Variants in MAK16 observed in about 807,000 individuals in gnomAD.
MAK16 encodes MAK16 homolog.
In MAK16, 12 loss-of-function variants were observed where a neutral mutation model predicts 49.9. The observed-to-expected ratio is 0.24, with a 90% confidence interval of 0.15 to 0.39. MAK16 has a LOEUF of 0.39. MAK16 is among the 10% of genes least tolerant of loss of function. The pLI is 1.00. For missense variants in MAK16, 292 were observed against 363.7 expected, an observed-to-expected ratio of 0.80 and a Z score of 1.60; for synonymous variants, 115 against 126.4, an observed-to-expected ratio of 0.91 and a Z score of 0.60.
Position 33,488,625 on chromosome 8 carries a change from G to A in MAK16, c.171G>A (p.Glu57=), listed in dbSNP as rs756929276. Residue 57 remains glutamate (E), a synonymous_variant, in exon 3 of 10, where the codon GAG becomes GAA. Coordinates refer to ENST00000360128, the MANE Select transcript of MAK16 (RefSeq NM_032509.4). ...GTCAGTATGCCACTATTAAAGAAGAGAAAGGTAACTCCCCAGTTTTAACTT... is the reference window on the plus strand; with the variant it reads ...GTCAGTATGCCACTATTAAAGAAGAAAAAGGTAACTCCCCAGTTTTAACTT... ...ANSQYATIKE[E]KGQCYLYMKV... is the part of the protein sequence containing the mutation. The A allele has an allele frequency of 6.2e-7, 1 of 1,613,970 alleles. No homozygotes were observed. The highest frequency in any genetic ancestry group is 8.5e-7 in the Non-Finnish European group (1 of 1,179,900).
At chr8:33,488,905 A>T in intron 4 of MAK16, 83 bp from the exon 5 acceptor site, 2 of 1,604,216 alleles carry the variant, frequency 1.2e-6, no homozygotes, top group Non-Finnish European at 1.7e-6. Context: ...GGCCATCCTC[A>T]TTAGGCCATG....
chr8:33,487,918 G>C (rs1334196748), intron 1 of MAK16, among the ~76,000 whole-genome samples: 1 of 151,848 alleles, frequency 6.6e-6, no homozygotes, highest in Non-Finnish European at 1.5e-5. Context: ...AATCTGCTGG[G>C]CTTTTTTGTT....
rs1808944243 is a variant in MAK16, at chr8:33,498,764, T to G, written c.*135T>G. 4 of 782,368 alleles carry G rather than the reference T, an allele frequency of 5.1e-6. No homozygotes were observed. In the South Asian group the frequency reaches 5.7e-5, roughly 11 times the overall value. 48.5% of individuals were successfully genotyped at this position (782,368 alleles called of 1,614,324 possible). A position where few individuals can be genotyped will look rare whatever the true frequency, so the allele number is the denominator to read the frequency against. ...AACACAATATTTGTGTTTTTATTATTTATGCCACGTCAGTGGGGCAAGAAA... is the reference window on the plus strand; with the variant it reads ...AACACAATATTTGTGTTTTTATTATGTATGCCACGTCAGTGGGGCAAGAAA... On this transcript the variant is annotated 3_prime_UTR_variant, in exon 10 of 10. Transcript: ENST00000360128.
At chr8:33,492,184 G>A (rs1808789120) in intron 6 of MAK16, among the ~76,000 whole-genome samples, 1 of 151,892 alleles carries the variant, frequency 6.6e-6, no homozygotes, top group Admixed American at 6.6e-5. Context: ...TGTTTGTTTT[G>A]TATTTTTAGT....
chr8:33,493,815 C>T (rs1001940541), intron 6 of MAK16, among the ~76,000 whole-genome samples: 2 of 151,942 alleles, frequency 1.3e-5, no homozygotes, highest in African/African-American at 4.8e-5. Context: ...ATTCTGTTTC[C>T]ACATTTTTAA....
Position 33,499,313 on chromosome 8 carries a change from T to A in MAK16, c.*684T>A, listed in dbSNP as rs561419398. ...AAACCAAACAGGCTTTGATATTTTT[T>A]TTTTTTTAATTACTTTCCCCTTTTG... is the stretch of plus-strand genomic sequence containing the variant. On this transcript the variant is annotated 3_prime_UTR_variant, in exon 10 of 10. Transcript: ENST00000360128. 122 of 1,466,694 alleles carry A rather than the reference T, an allele frequency of 8.3e-5. 1 individual carries two copies. The highest frequency in any genetic ancestry group is 3.2e-4 in the South Asian group (28 of 87,524). The allele number at this position is 1,466,694 out of a possible 1,614,324, so 90.9% of individuals were successfully genotyped here.
chr8:33,488,054 G>A (rs548509183), intron 1 of MAK16, among the ~76,000 whole-genome samples: 22 of 152,172 alleles, frequency 1.4e-4, no homozygotes, highest in African/African-American at 4.1e-4. Flanking sequence ...CCAGCCTCCC[G>A]AGTAGCTAGG....
At position 33,489,008 on chromosome 8, in the gene MAK16, T is replaced by C. The variant is rs369912197; in HGVS notation, c.261T>C (p.Tyr87=). Residue 87 remains tyrosine (Y), a synonymous_variant, in exon 5 of 10, where the codon TAT becomes TAC. Coordinates refer to ENST00000360128, the MANE Select transcript of MAK16 (RefSeq NM_032509.4). This position sits in a 1 kb window ranked among gnomAD's most constrained non-coding sequence, Gnocchi z 4.2. The part of the protein sequence containing the change: ...LWERVRLSKN[Y]EKALEQIDEN... Reference sequence around the variant, plus strand: ...GGTAGGTCCGGCTTAGTAAAAACTATGAGAAAGCACTGGAGCAAATAGATG... The same window carrying C: ...GGTAGGTCCGGCTTAGTAAAAACTACGAGAAAGCACTGGAGCAAATAGATG... 8 of 1,614,158 alleles carry C rather than the reference T, an allele frequency of 5.0e-6. No homozygotes were observed. The highest frequency in any genetic ancestry group is 6.8e-6 in the Non-Finnish European group (8 of 1,180,040).
At chr8:33,495,690 T>A in intron 7 of MAK16, 74 bp downstream of exon 7, 1 of 8,944 alleles carries the variant, frequency 1.1e-4, no homozygotes, top group Admixed American at 2.8e-3. Flanking sequence ...TGGGAATTTT[T>A]TTTTTTTTTT....
At position 33,489,197 on chromosome 8, in the gene MAK16, A is replaced by G; in HGVS notation, c.392+58A>G. 1 of 1,511,254 alleles carries G rather than the reference A, an allele frequency of 6.6e-7. No individual in the cohort carries two copies. Among genetic ancestry groups the G allele is most frequent in the African/African-American group, 1.4e-5 (1 of 71,742 alleles). The allele number at this position is 1,511,254 out of a possible 1,614,324, so 93.6% of individuals were successfully genotyped here. On this transcript the variant is annotated intron_variant, in intron 5 of 9. Coordinates refer to ENST00000360128, the MANE Select transcript of MAK16 (RefSeq NM_032509.4). This position sits in a 1 kb window ranked among gnomAD's most constrained non-coding sequence, Gnocchi z 4.2. ...CTCTCTTTTTATGGAGCTTGTTTTG[A>G]AGTTGAGAAATTGTGAAACTTCGGG...
chr8:33,493,474 A>G (rs1048782665), intron 6 of MAK16, among the ~76,000 whole-genome samples: 1 of 152,206 alleles, frequency 6.6e-6, no homozygotes, highest in African/African-American at 2.4e-5. Context: ...CTAATAATAC[A>G]ATGTGTATTA....
Position 33,500,708 on chromosome 8 carries a change from C to G in MAK16, c.*2079C>G. The G allele has an allele frequency of 1.9e-6, 1 of 518,654 alleles. No individual in the cohort carries two copies. Among genetic ancestry groups the G allele is most frequent in the Non-Finnish European group, 3.4e-6 (1 of 289,892 alleles). The allele number at this position is 518,654 out of a possible 1,614,324, so 32.1% of individuals were successfully genotyped here. A position where few individuals can be genotyped will look rare whatever the true frequency, so the allele number is the denominator to read the frequency against. On this transcript the variant is annotated 3_prime_UTR_variant, in exon 10 of 10. Coordinates refer to ENST00000360128, the MANE Select transcript of MAK16 (RefSeq NM_032509.4). Reference sequence around the variant, plus strand: ...ATACTGCCTATACACACAGACACACCCTCTGCCACACTGCTCTCTTCCTTC... The same window carrying G: ...ATACTGCCTATACACACAGACACACGCTCTGCCACACTGCTCTCTTCCTTC...
chr8:33,496,733 G>T lies in MAK16; in HGVS notation c.631G>T (p.Asp211Tyr). The T allele has an allele frequency of 6.2e-7, 1 of 1,608,122 alleles. No individual in the cohort carries two copies. The highest frequency in any genetic ancestry group is 8.5e-7 in the Non-Finnish European group (1 of 1,176,898). Residue 211 changes from aspartate to tyrosine, a missense_variant, in exon 8 of 10, where the codon GAT becomes TAT. Asp to Tyr is a radical substitution (Grantham distance 160). Transcript: ENST00000360128. ...DTEEKDDDDD[D>Y]EEDVGKREFV... ...TGAGGAAAAAGATGATGATGATGAT[G>T]ATGAGGAAGTAAGTCTTGTTTTTGT...
chr8:33,485,304 C>T (rs1055055447), intron 1 of MAK16, 83 bp downstream of exon 1: 3 of 1,576,750 alleles, frequency 1.9e-6, no homozygotes, highest in African/African-American at 2.7e-5. Context: ...AACGCGTACG[C>T]AGCGGGTCTG....
intron 6 of MAK16, among the ~76,000 whole-genome samples, chr8:33,495,033 A>G (rs1049669657): frequency 3.3e-5 from 5 of 152,184 alleles, no homozygotes; most frequent in African/African-American, 1.2e-4. Context: ...GACTTTCACT[A>G]TCAAATTAAT....
In MAK16 at chr8:33,499,238, T is replaced by C. The variant is rs1485387148; in HGVS notation, c.*609T>C. The C allele has an allele frequency of 1.2e-6, 2 of 1,614,034 alleles. No individual in the cohort carries two copies. The highest frequency in any genetic ancestry group is 1.7e-6 in the Non-Finnish European group (2 of 1,180,010). On this transcript the variant is annotated 3_prime_UTR_variant, in exon 10 of 10. Transcript: ENST00000360128. ...ACTTTTCTGATATAGTTCACCACTTTTCTGTCTTCACAGCTTTGGGGAATT... is the reference window on the plus strand; with the variant it reads ...ACTTTTCTGATATAGTTCACCACTTCTCTGTCTTCACAGCTTTGGGGAATT...
At chr8:33,497,804 T>A (rs546726045) in intron 9 of MAK16, among the ~76,000 whole-genome samples, 7 of 151,376 alleles carry the variant, frequency 4.6e-5, no homozygotes, top group East Asian at 2.0e-4. Context: ...TAAAATTTTT[T>A]AAAAATCATG....
Position 33,488,364 on chromosome 8 carries a change from A to C in MAK16, c.16-14A>C. 1 of 1,613,946 alleles carries C rather than the reference A, an allele frequency of 6.2e-7. No homozygotes were observed. The highest frequency in any genetic ancestry group is 8.5e-7 in the Non-Finnish European group (1 of 1,179,824). On this transcript the variant is annotated splice_polypyrimidine_tract_variant and intron_variant, in intron 1 of 9. Transcript: ENST00000360128. ...GGCAGAGGATTTGAAATGGGCTTTT[A>C]CTTTGTCTTGCAGGTTATCTGGGAT...
rs1808932613 is a variant in MAK16 at position 33,498,635 on chromosome 8, C to T, written c.*6C>T. ...CCAAAGCCAAAACCACGTGATTTCC[C>T]TTTCAGCATTTATACCCAGGACTGA... On this transcript the variant is annotated 3_prime_UTR_variant, in exon 10 of 10. Coordinates refer to ENST00000360128, the MANE Select transcript of MAK16 (RefSeq NM_032509.4). 3 of 1,606,092 alleles carry T rather than the reference C, an allele frequency of 1.9e-6. No homozygotes were observed. Among genetic ancestry groups the T allele is most frequent in the Non-Finnish European group, 2.6e-6 (3 of 1,174,144 alleles).
Sources: allele counts gnomAD v4.1 joint callset (sites outside exome capture counted in the v4.1 genomes callset), GRCh38; gene constraint gnomAD v4.1.1; non-coding constraint Gnocchi (gnomAD v3.1); transcripts MANE v1.5; gene names NCBI Gene and HGNC (gene_info 2026-07-23, HGNC 2026-07-21).